MBD5: variants seen among roughly 807,000 people sequenced by gnomAD.
The protein encoded by MBD5 is methyl-CpG binding domain protein 5.
In MBD5, 13 loss-of-function variants were observed where a neutral mutation model predicts 117.3. The ratio of observed to expected loss-of-function variants is 0.11; its 90% CI spans 0.07 to 0.18. MBD5 has a LOEUF of 0.18. Among genes scored for constraint, MBD5 ranks in the 10% least tolerant of loss-of-function variants. The pLI, the probability that MBD5 is intolerant of heterozygous loss-of-function variation, is 1.00. For synonymous variants in MBD5, 727 were observed against 766.4 expected, an observed-to-expected ratio of 0.95 and a Z score of 0.85; for missense variants, 1,879 against 2,093.8, an observed-to-expected ratio of 0.90 and a Z score of 2.00.
At chr2:148,148,469 T>A (rs1697532520) in intron 1 of MBD5, among the ~76,000 whole-genome samples, 1 of 152,206 alleles carries the variant, frequency 6.6e-6, no homozygotes, top group African/African-American at 2.4e-5. Flanking sequence ...ATTCTTTGGA[T>A]TATTTTAAGT....
chr2:148,064,730 A>G (rs1437562746), intron 1 of MBD5, among the ~76,000 whole-genome samples: 1 of 152,164 alleles, frequency 6.6e-6, no homozygotes, highest in African/African-American at 2.4e-5. Flanking sequence ...TAACTTCCTG[A>G]AAAATAATTG....
intron 4 of MBD5, among the ~76,000 whole-genome samples, chr2:148,379,441 A>G (rs1242423891): frequency 5.9e-5 from 9 of 152,248 alleles, no homozygotes; most frequent in African/African-American, 1.9e-4. Context: ...GATGAAAAAA[A>G]GATAATCAAA....
In MBD5 at chr2:148,086,040, T is replaced by C. The variant is rs544309047; in HGVS notation, c.-925+64356T>C. On this transcript the variant is annotated intron_variant, in intron 1 of 13. Transcript: ENST00000642680. Reference sequence around the variant, plus strand: ...TATTTCCTATATGTGACTATTCTTATATTTCACTACAGAGATGCTGATGCG... The same window carrying C: ...TATTTCCTATATGTGACTATTCTTACATTTCACTACAGAGATGCTGATGCG... Among the ~76,000 whole-genome samples, 9 of 152,320 alleles carry C rather than the reference T, an allele frequency of 5.9e-5. No individual in the cohort carries two copies. The South Asian group carries it at 1.9e-3, about 32-fold the overall frequency.
chr2:148,024,627 A>G (rs1297696834), intron 1 of MBD5, among the ~76,000 whole-genome samples: 3 of 152,228 alleles, frequency 2.0e-5, no homozygotes, highest in South Asian at 4.1e-4. Flanking sequence ...AATTTTCACT[A>G]TCATGAACAT....
intron 8 of MBD5, among the ~76,000 whole-genome samples, chr2:148,480,063 T>A (rs1262137885): frequency 6.6e-6 from 1 of 152,060 alleles, no homozygotes; most frequent in Non-Finnish European, 1.5e-5. Context: ...AAATTTTTAT[T>A]TTCATGGTTC....
chr2:148,420,358 T>C (rs1251072573), intron 4 of MBD5, among the ~76,000 whole-genome samples: 2 of 152,220 alleles, frequency 1.3e-5, no homozygotes, highest in Non-Finnish European at 2.9e-5. Context: ...CCAAACTTTA[T>C]TACCCCTCTG....
At chr2:148,437,202 C>G (rs568109064) in intron 4 of MBD5, among the ~76,000 whole-genome samples, 1 of 151,888 alleles carries the variant, frequency 6.6e-6, no homozygotes, top group Non-Finnish European at 1.5e-5. Context: ...AGGATGGTCT[C>G]GATCTCCTGA....
intron 2 of MBD5, among the ~76,000 whole-genome samples, chr2:148,222,395 G>A (rs1699710990): frequency 6.6e-6 from 1 of 151,958 alleles, no homozygotes; most frequent in African/African-American, 2.4e-5. Flanking sequence ...CCATGGACAT[G>A]GAGTATCTTT....
intron 1 of MBD5, among the ~76,000 whole-genome samples, chr2:148,076,118 T>C (rs1386989088): frequency 3.3e-5 from 5 of 152,156 alleles, no homozygotes; most frequent in Admixed American, 1.3e-4. Flanking sequence ...AAAAATTAAA[T>C]GTTTAGAGAT....
At chr2:148,301,744 A>T (rs1255313671) in intron 3 of MBD5, among the ~76,000 whole-genome samples, 1 of 152,110 alleles carries the variant, frequency 6.6e-6, no homozygotes, top group East Asian at 1.9e-4. Flanking sequence ...GGAGTTGTAC[A>T]CGTGCTCACT....
intron 3 of MBD5, among the ~76,000 whole-genome samples, chr2:148,301,581 C>T (rs903822258): frequency 1.3e-5 from 2 of 152,168 alleles, no homozygotes; most frequent in African/African-American, 2.4e-5. Flanking sequence ...AGATCAAGTG[C>T]ACGGTTTGAC....
chr2:148,137,161 T>C (rs141277492), intron 1 of MBD5, among the ~76,000 whole-genome samples: 1 of 152,312 alleles, frequency 6.6e-6, no homozygotes, highest in Non-Finnish European at 1.5e-5. Flanking sequence ...CTAAATCTCC[T>C]ATTTGTAGCC....
intron 2 of MBD5, among the ~76,000 whole-genome samples, chr2:148,207,577 G>A (rs1699317137): frequency 6.6e-6 from 1 of 151,740 alleles, no homozygotes; most frequent in Non-Finnish European, 1.5e-5. Flanking sequence ...GAAGAATGAG[G>A]AAACACTGGA....
intron 3 of MBD5, among the ~76,000 whole-genome samples, chr2:148,324,908 GT>G (rs1702401079): frequency 6.6e-6 from 1 of 152,122 alleles, no homozygotes; most frequent in Admixed American, 6.6e-5. Flanking sequence ...TCCCTGTCTT[GT>G]GCCTGTTTTC....
chr2:148,163,093 T>C (rs1389298451), intron 1 of MBD5, among the ~76,000 whole-genome samples: 1 of 152,264 alleles, frequency 6.6e-6, no homozygotes, highest in Non-Finnish European at 1.5e-5. Context: ...TAATTCAGTA[T>C]ACTTTTCTTG....
At chr2:148,372,691 A>G (rs1703887555) in intron 4 of MBD5, among the ~76,000 whole-genome samples, 1 of 152,124 alleles carries the variant, frequency 6.6e-6, no homozygotes, top group Non-Finnish European at 1.5e-5. Flanking sequence ...AAGTGTGAAT[A>G]CAGAATTGAG....
intron 2 of MBD5, among the ~76,000 whole-genome samples, chr2:148,226,574 C>A (rs1160563688): frequency 6.6e-6 from 1 of 152,158 alleles, no homozygotes; most frequent in Non-Finnish European, 1.5e-5. Context: ...AATAAACATA[C>A]GTGTGCATGT....
At chr2:148,052,962 CAAAAAA>C (rs780207792) in intron 1 of MBD5, among the ~76,000 whole-genome samples, 2 of 102,644 alleles carry the variant, frequency 1.9e-5, no homozygotes, top group African/African-American at 7.9e-5. Context: ...GAGTTCGTCT[CAAAAAA>C]AAAAAAAAAA....
At position 148,489,775 on chromosome 2, in the gene MBD5, C is replaced by T. The variant is rs758083193; in HGVS notation, c.4143C>T (p.Asn1381=). 7 of 1,613,968 alleles carry T rather than the reference C, an allele frequency of 4.3e-6. No individual in the cohort carries two copies. ...TCAGTGCGGTCATTCATGGACGGAA[C>T]ATGGGAGGTGTTGATCATGATGGTA... The part of the protein sequence containing the change: ...SAVSAVIHGR[N]MGGVDHDGRL... The change falls in exon 11 of 14, where the codon AAC becomes AAT. Residue 1381 remains asparagine, a synonymous_variant. Transcript: ENST00000642680.
Sources: gnomAD v4.1 joint callset for allele counts (sites outside exome capture counted in the v4.1 genomes callset) on GRCh38, gnomAD v4.1.1 for gene constraint, MANE v1.5 for transcripts, NCBI Gene and HGNC (gene_info 2026-07-23, HGNC 2026-07-21) for gene names.